Variants in PIGU observed in about 807,000 individuals in gnomAD.
PIGU encodes the protein GPI-anchor transamidase component PIGU.
PIGU carries 24 observed loss-of-function variants against 49.9 expected under a neutral mutation model. The ratio of observed to expected loss-of-function variants is 0.48; its 90% CI spans 0.35 to 0.68. The LOEUF is 0.68. Among genes scored for constraint, PIGU ranks in the 30% least tolerant of loss-of-function variants. The pLI, the probability that PIGU is intolerant of heterozygous loss-of-function variation, is 0.01. For synonymous variants in PIGU, 220 were observed against 205.7 expected (o/e 1.07, Z -0.59); for missense variants, 490 against 532.6 (o/e 0.92, Z 0.79).
intron 7 of PIGU, among the ~76,000 whole-genome samples, chr20:34,591,233 C>G (rs1408070690): frequency 6.6e-6 from 1 of 151,994 alleles, no homozygotes; most frequent in Non-Finnish European, 1.5e-5. Context: ...AAAAATATAA[C>G]AGTTCTAAAT....
At chr20:34,638,548 TCATAGCCATTTGAA>T (rs1286175325) in intron 4 of PIGU, among the ~76,000 whole-genome samples, 2 of 152,232 alleles carry the variant, frequency 1.3e-5, no homozygotes, top group Non-Finnish European at 2.9e-5. Flanking sequence ...AAAGCAAAGT[TCATAGCCATTTGAA>T]GAGTTATCAT....
intron 7 of PIGU, among the ~76,000 whole-genome samples, chr20:34,601,356 T>A (rs1321466587): frequency 1.3e-5 from 2 of 152,192 alleles, no homozygotes; most frequent in Non-Finnish European, 2.9e-5. Context: ...CTGCATCTAT[T>A]TATAAAAACT....
intron 6 of PIGU, among the ~76,000 whole-genome samples, chr20:34,633,207 T>C (rs1985846499): frequency 6.6e-6 from 1 of 152,204 alleles, no homozygotes; most frequent in African/African-American, 2.4e-5. Context: ...TTCATGCTTA[T>C]AGTCCTGGCA....
intron 6 of PIGU, among the ~76,000 whole-genome samples, chr20:34,620,821 A>C (rs199881144): frequency 3.1e-4 from 38 of 124,066 alleles, no homozygotes; most frequent in Middle Eastern, 3.7e-3. Context: ...AAAAAAAAAC[A>C]AAAAAAAAAA....
At chr20:34,561,248 G>A (rs1202226550) in intron 11 of PIGU, among the ~76,000 whole-genome samples, 1 of 152,088 alleles carries the variant, frequency 6.6e-6, no homozygotes, top group African/African-American at 2.4e-5. Context: ...TGCCAGCCTG[G>A]TGCCTGTGCA....
intron 2 of PIGU, among the ~76,000 whole-genome samples, chr20:34,652,079 A>G (rs1374669935): frequency 6.6e-6 from 1 of 152,168 alleles, no homozygotes; most frequent in African/African-American, 2.4e-5. Context: ...GGCTCACTGC[A>G]GCTTAGACCT....
At chr20:34,618,103 A>T (rs923885584) in intron 6 of PIGU, among the ~76,000 whole-genome samples, 1 of 152,178 alleles carries the variant, frequency 6.6e-6, no homozygotes, top group African/African-American at 2.4e-5. Context: ...CAAAAAAAAT[A>T]AAATAAATAA....
chr20:34,626,921 T>C (rs1213009552), intron 6 of PIGU, among the ~76,000 whole-genome samples: 3 of 151,974 alleles, frequency 2.0e-5, no homozygotes, highest in African/African-American at 4.8e-5. Context: ...TTTTATTAAA[T>C]AATTTTATTA....
At chr20:34,640,862 T>C (rs1295878473) in intron 4 of PIGU, among the ~76,000 whole-genome samples, 1 of 152,066 alleles carries the variant, frequency 6.6e-6, no homozygotes, top group African/African-American at 2.4e-5. Flanking sequence ...GAAAGATAGG[T>C]TTTGCCAGGA....
intron 1 of PIGU, among the ~76,000 whole-genome samples, chr20:34,672,577 G>A (rs961150784): frequency 1.3e-5 from 2 of 152,112 alleles, no homozygotes; most frequent in Admixed American, 1.3e-4. Context: ...AAGAGGTCAG[G>A]CATGGTGGCT....
chr20:34,622,538 A>G (rs940917832), intron 6 of PIGU, among the ~76,000 whole-genome samples: 1 of 152,110 alleles, frequency 6.6e-6, no homozygotes, highest in African/African-American at 2.4e-5. Context: ...AAACAAAAAA[A>G]AAGTTACAAT....
intron 6 of PIGU, 97 bp downstream of exon 6, chr20:34,634,518 G>T: frequency 4.3e-6 from 6 of 1,400,160 alleles, no homozygotes; most frequent in Non-Finnish European, 4.7e-6. Context: ...TTTAAGTGTT[G>T]CATTAAAAAA....
rs1420659966 is a variant in PIGU at position 34,585,859 on chromosome 20, C to G, written c.783-279G>C. ...ATCCTAGGAATAAAGAGACTCACCC[C>G]TGTTTTACTGCGCAAGACAGTTTAA... On this transcript the variant is annotated intron_variant, in intron 8 of 11. Coordinates refer to ENST00000217446, the MANE Select transcript of PIGU (RefSeq NM_080476.5). Among the ~76,000 whole-genome samples the G allele has an allele frequency of 2.6e-5, 4 of 152,330 alleles. No individual in the cohort carries two copies. In the East Asian group the frequency reaches 5.8e-4, roughly 22 times the overall value.
intron 2 of PIGU, among the ~76,000 whole-genome samples, chr20:34,648,141 C>T (rs1986416021): frequency 1.3e-5 from 2 of 150,986 alleles, no homozygotes; most frequent in African/African-American, 2.4e-5. Flanking sequence ...ATCCAAGCTA[C>T]TTGGGAGGCT....
chr20:34,631,975 G>A (rs1481928953), intron 6 of PIGU, among the ~76,000 whole-genome samples: 1 of 149,180 alleles, frequency 6.7e-6, no homozygotes, highest in African/African-American at 2.5e-5. Context: ...AAGTAGCTAG[G>A]ACTATAGGCA....
chr20:34,645,376 C>A, intron 2 of PIGU, 42 bp from the exon 3 acceptor site: 1 of 1,533,730 alleles, frequency 6.5e-7, no homozygotes, highest in Non-Finnish European at 8.7e-7. Flanking sequence ...TTAAGTTAAA[C>A]CTTACTATTA....
chr20:34,640,466 A>T (rs1986114733), intron 4 of PIGU, among the ~76,000 whole-genome samples: 2 of 151,298 alleles, frequency 1.3e-5, no homozygotes, highest in African/African-American at 4.9e-5. Flanking sequence ...AATCAATGGA[A>T]ATTTTTAAAA....
chr20:34,590,156 T>C (rs1600605510), intron 7 of PIGU, among the ~76,000 whole-genome samples: 1 of 144,270 alleles, frequency 6.9e-6, no homozygotes, highest in Non-Finnish European at 1.5e-5. Context: ...AAAAGGAAAA[T>C]AAGAATTACC....
intron 1 of PIGU, among the ~76,000 whole-genome samples, chr20:34,666,507 A>C: frequency 6.7e-6 from 1 of 150,090 alleles, no homozygotes. Flanking sequence ...CCCATGAAGC[A>C]AGCTTATTTA....
Sources: gnomAD v4.1 joint callset for allele counts (sites outside exome capture counted in the v4.1 genomes callset) on GRCh38, gnomAD v4.1.1 for gene constraint, MANE v1.5 for transcripts, NCBI Gene and HGNC (gene_info 2026-07-23, HGNC 2026-07-21) for gene names.